COL4A2: variants seen among roughly 807,000 people sequenced by gnomAD.
The protein encoded by COL4A2 is collagen alpha-2(IV) chain.
In COL4A2, 99 loss-of-function variants were observed where a neutral mutation model predicts 200.2. The ratio of observed to expected loss-of-function variants is 0.49; its 90% CI spans 0.42 to 0.58. The LOEUF (loss-of-function observed/expected upper bound fraction) is 0.58, where lower values mean the gene tolerates loss of function less well. Among genes scored for constraint, COL4A2 ranks in the 20% least tolerant of loss-of-function variants. The pLI, the probability that COL4A2 is intolerant of heterozygous loss-of-function variation, is 0.00. For missense variants in COL4A2, 1,950 were observed against 2,314.1 expected (o/e 0.84, Z 3.23); for synonymous variants, 897 against 900.6 (o/e 1.00, Z 0.07).
At chr13:110,312,608 T>A (rs1481667358) in intron 3 of COL4A2, among the ~76,000 whole-genome samples, 2 of 152,192 alleles carry the variant, frequency 1.3e-5, no homozygotes, top group Admixed American at 6.5e-5. Context: ...TCTTTTTATC[T>A]GAAGAAGAAT....
rs528741657 is a variant in COL4A2, at chr13:110,456,866, G to C, written c.1340-477G>C. 9.8e-4 allele frequency: 462 copies of C among 472,728 alleles called. 2 individuals are homozygous for C. Among genetic ancestry groups the C allele is most frequent in the South Asian group, 7.2e-3 (445 of 61,586 alleles). The allele number at this position is 472,728 out of a possible 1,614,324, so 29.3% of individuals were successfully genotyped here. On this transcript the variant is annotated intron_variant, in intron 20 of 47. Transcript: ENST00000360467. ...TCCGTGGGGCTGATGCCCTGCGTCT[G>C]CGTGGGACCCCAGGCGTCCGTGGGG...
intron 20 of COL4A2, among the ~76,000 whole-genome samples, chr13:110,453,282 A>C (rs1881611562): frequency 6.6e-6 from 1 of 152,026 alleles, no homozygotes; most frequent in African/African-American, 2.4e-5. Context: ...GGGGCCGATC[A>C]CCTGAGGTCG....
chr13:110,485,763 C>T lies in COL4A2; in HGVS notation c.3134C>T (p.Pro1045Leu). 6.2e-7 allele frequency: 1 copy of T among 1,613,938 alleles called. No individual in the cohort carries two copies. Among genetic ancestry groups the T allele is most frequent in the Non-Finnish European group, 8.5e-7 (1 of 1,179,948 alleles). Residue 1045 changes from proline (P) to leucine (L), a missense_variant, in exon 34 of 48, where the codon CCC becomes CTC. Coordinates refer to ENST00000360467, the MANE Select transcript of COL4A2 (RefSeq NM_001846.4). ...VKGDIGVPGI[P>L]GLPGFPGVAG... ...GGAGACATCGGAGTCCCCGGCATCCCCGGTTTGCCAGGATTCCCTGGGGTG... is the reference window on the plus strand; with the variant it reads ...GGAGACATCGGAGTCCCCGGCATCCTCGGTTTGCCAGGATTCCCTGGGGTG...
intron 16 of COL4A2, 111 bp downstream of exon 16, chr13:110,439,944 T>C (rs1566534200): frequency 6.9e-7 from 1 of 1,457,310 alleles, no homozygotes; most frequent in Non-Finnish European, 9.2e-7. Context: ...GAAAAAAACA[T>C]TGAAAATGGT....
intron 4 of COL4A2, among the ~76,000 whole-genome samples, chr13:110,372,193 C>G (rs1219515902): frequency 6.6e-6 from 1 of 152,176 alleles, no homozygotes; most frequent in African/African-American, 2.4e-5. Flanking sequence ...GCCGGTCATT[C>G]CACTGTTGAG....
At chr13:110,510,183 G>A (rs779791470) in intron 47 of COL4A2, among the ~76,000 whole-genome samples, 4 of 152,216 alleles carry the variant, frequency 2.6e-5, no homozygotes, top group East Asian at 3.8e-4. Flanking sequence ...TGAGGCTAGC[G>A]CCTGGCTCAC....
chr13:110,347,604 A>T lies in COL4A2; in HGVS notation c.100-9868A>T, dbSNP rs558294060. Among the ~76,000 whole-genome samples, 186 of 152,368 alleles carry T rather than the reference A, an allele frequency of 1.2e-3. 1 individual carries two copies. The highest frequency in any genetic ancestry group is 0.01 in the Middle Eastern group (3 of 294). On this transcript the variant is annotated intron_variant, in intron 3 of 47. Coordinates refer to ENST00000360467, the MANE Select transcript of COL4A2 (RefSeq NM_001846.4). ...CTGCTTTAAATGTCTCAGGATGACT[A>T]ATGTCACTGGGATGTGTTCTGGCCC... is the stretch of plus-strand genomic sequence containing the variant.
chr13:110,511,794 G>A (rs1884089491), intron 47 of COL4A2, 140 bp from the exon 48 acceptor site: 4 of 1,382,058 alleles, frequency 2.9e-6, no homozygotes, highest in African/African-American at 1.5e-5. Context: ...AGGCGCATTC[G>A]CGAGGATGCC....
chr13:110,392,999 A>G (rs901142639), intron 4 of COL4A2, among the ~76,000 whole-genome samples: 3 of 152,242 alleles, frequency 2.0e-5, no homozygotes, highest in African/African-American at 7.2e-5. Flanking sequence ...GCCTGGAGCG[A>G]GAACTCACAG....
intron 4 of COL4A2, among the ~76,000 whole-genome samples, chr13:110,375,752 C>T (rs1878209781): frequency 1.3e-5 from 2 of 152,070 alleles, no homozygotes; most frequent in Non-Finnish European, 2.9e-5. Context: ...ATCACTTGAA[C>T]CCGGGAGTCG....
At chr13:110,387,389 G>A (rs867768299) in intron 4 of COL4A2, among the ~76,000 whole-genome samples, 2 of 152,248 alleles carry the variant, frequency 1.3e-5, no homozygotes, top group African/African-American at 4.8e-5. Context: ...GGCATCTCAC[G>A]TCCCCACGGA....
At chr13:110,317,036 A>T (rs993821978) in intron 3 of COL4A2, among the ~76,000 whole-genome samples, 1 of 150,774 alleles carries the variant, frequency 6.6e-6, no homozygotes, top group Non-Finnish European at 1.5e-5. Context: ...ATGCACACAT[A>T]CATGCATGCA....
chr13:110,428,603 C>T lies in COL4A2; in HGVS notation c.477+20C>T. On this transcript the variant is annotated intron_variant, in intron 7 of 47. Transcript: ENST00000360467. ...CCTCCCGTGAGTATCCCCACAGCGC[C>T]TGTGCTCCAGGGACGGGCAGACCCC... 2 of 1,418,768 alleles carry T rather than the reference C, an allele frequency of 1.4e-6. No homozygotes were observed. Among genetic ancestry groups the T allele is most frequent in the Non-Finnish European group, 1.9e-6 (2 of 1,056,604 alleles). 87.9% of individuals were successfully genotyped at this position (1,418,768 alleles called of 1,614,324 possible). A position where few individuals can be genotyped will look rare whatever the true frequency, so the allele number is the denominator to read the frequency against.
rs990655351 is a variant in COL4A2, at chr13:110,387,451, G to A, written c.180+29899G>A. ...GGCGCTTCCATGTGGGTGTTTCCGT[G>A]GCCAGAGGGATTCTGAAATGTGTAG... On this transcript the variant is annotated intron_variant, in intron 4 of 47. Transcript: ENST00000360467. Among the ~76,000 whole-genome samples, 5 of 152,182 alleles carry A rather than the reference G, an allele frequency of 3.3e-5. No homozygotes were observed. In the South Asian group the frequency reaches 8.3e-4, roughly 25 times the overall value.
rs574191600 is a variant in COL4A2 at position 110,374,777 on chromosome 13, CT to C, written c.180+17226del. Reference sequence around the variant, plus strand: ...CCTGCTCTGTCCCACTGCTCCACCCCTGACTCTGCTAACCTCATGCCGATTA... The same window carrying C: ...CCTGCTCTGTCCCACTGCTCCACCCCGACTCTGCTAACCTCATGCCGATTA... On this transcript the variant is annotated intron_variant, in intron 4 of 47. Transcript: ENST00000360467. Among the ~76,000 whole-genome samples the C allele has an allele frequency of 3.7e-4, 56 of 152,304 alleles. No individual in the cohort carries two copies. In the South Asian group the frequency reaches 5.2e-3, roughly 14 times the overall value.
chr13:110,462,398 A>T lies in COL4A2; in HGVS notation c.1776+14A>T. ...CCAGGCCCTCCCGTGAGTAGCCACAAACTGCGGCAGCTCCGTCCTCTCTTC... is the reference window on the plus strand; with the variant it reads ...CCAGGCCCTCCCGTGAGTAGCCACATACTGCGGCAGCTCCGTCCTCTCTTC... On this transcript the variant is annotated intron_variant, in intron 24 of 47. Transcript: ENST00000360467. The T allele has an allele frequency of 6.2e-7, 1 of 1,611,704 alleles. No homozygotes were observed. The highest frequency in any genetic ancestry group is 1.1e-5 in the South Asian group (1 of 91,032).
At chr13:110,454,553 C>T (rs1464852528) in intron 20 of COL4A2, among the ~76,000 whole-genome samples, 1 of 152,206 alleles carries the variant, frequency 6.6e-6, no homozygotes, top group Non-Finnish European at 1.5e-5. Flanking sequence ...CACAACTGAC[C>T]GGACACGCAG....
Position 110,480,244 on chromosome 13 carries a change from C to G in COL4A2, c.2612C>G (p.Pro871Arg), listed in dbSNP as rs757611517. Residue 871 changes from proline (P) to arginine (R), a missense_variant, in exon 31 of 48, where the codon CCT (proline) becomes CGT (arginine). By Grantham distance (103) the Pro-to-Arg change is moderately radical (BLOSUM62 -2). Transcript: ENST00000360467. ...REGLPGDRGDPGDTGAPGPVG... is the reference protein window; with the variant it reads ...REGLPGDRGDRGDTGAPGPVG... ...GGTCTGCCTGGTGATAGAGGGGACCCTGGGGACACAGGCGCTCCTGGCCCT... is the reference window on the plus strand; with the variant it reads ...GGTCTGCCTGGTGATAGAGGGGACCGTGGGGACACAGGCGCTCCTGGCCCT... 2.5e-6 allele frequency: 4 copies of G among 1,609,630 alleles called. No homozygotes were observed. The African/African-American group carries it at 5.4e-5, about 22-fold the overall frequency.
At chr13:110,313,577 C>G (rs1435249025) in intron 3 of COL4A2, among the ~76,000 whole-genome samples, 5 of 44,964 alleles carry the variant, frequency 1.1e-4, no homozygotes, top group Non-Finnish European at 2.2e-4. Flanking sequence ...CCCAGTGCCC[C>G]GTGTCCACCC....
Sources: allele counts gnomAD v4.1 joint callset (sites outside exome capture counted in the v4.1 genomes callset), GRCh38; gene constraint gnomAD v4.1.1; transcripts MANE v1.5; gene names NCBI Gene and HGNC (gene_info 2026-07-23, HGNC 2026-07-21).